Variants in MARCHF11 observed in about 807,000 individuals in gnomAD.
MARCHF11 encodes the protein E3 ubiquitin-protein ligase MARCHF11.
Under a neutral mutation model 37.3 loss-of-function variants are expected in MARCHF11, and 29 were observed. The ratio of observed to expected loss-of-function variants is 0.78; its 90% CI spans 0.58 to 1.06. The LOEUF (loss-of-function observed/expected upper bound fraction) is 1.06, where lower values mean the gene tolerates loss of function less well. MARCHF11 is among the 50% of genes least tolerant of loss of function. The pLI is 0.00. For synonymous variants in MARCHF11, 233 were observed against 228.0 expected (o/e 1.02, Z -0.20); for missense variants, 482 against 533.4 (o/e 0.90, Z 0.95).
chr5:16,083,466 G>A (rs1202583015), intron 3 of MARCHF11, among the ~76,000 whole-genome samples: 1 of 152,050 alleles, frequency 6.6e-6, no homozygotes, highest in Non-Finnish European at 1.5e-5. Context: ...CAATCCAAAG[G>A]CCTTACCAAC....
At chr5:16,124,085 C>A (rs1400169936) in intron 2 of MARCHF11, among the ~76,000 whole-genome samples, 1 of 152,076 alleles carries the variant, frequency 6.6e-6, no homozygotes, top group Non-Finnish European at 1.5e-5. Flanking sequence ...ACTCAGGAGA[C>A]AACGAGAGTG....
chr5:16,165,011 C>G (rs947474854), intron 2 of MARCHF11, among the ~76,000 whole-genome samples: 1 of 152,070 alleles, frequency 6.6e-6, no homozygotes, highest in Non-Finnish European at 1.5e-5. Context: ...CTCATGACAT[C>G]TCCTACGCTT....
At chr5:16,085,732 C>T (rs1464778242) in intron 3 of MARCHF11, among the ~76,000 whole-genome samples, 1 of 151,920 alleles carries the variant, frequency 6.6e-6, no homozygotes, top group Non-Finnish European at 1.5e-5. Context: ...GTGGGTGGAT[C>T]ACGAGGTCAG....
intron 2 of MARCHF11, among the ~76,000 whole-genome samples, chr5:16,165,634 A>G (rs1738155274): frequency 6.6e-6 from 1 of 152,082 alleles, no homozygotes; most frequent in Non-Finnish European, 1.5e-5. Flanking sequence ...TCTCACGGTT[A>G]GACTATAGTT....
At chr5:16,076,682 C>T (rs554283396) in intron 3 of MARCHF11, among the ~76,000 whole-genome samples, 1 of 152,272 alleles carries the variant, frequency 6.6e-6, no homozygotes, top group South Asian at 2.1e-4. Flanking sequence ...TAATCCAACC[C>T]TCTCACTTTG....
intron 2 of MARCHF11, among the ~76,000 whole-genome samples, chr5:16,151,847 T>C (rs913299911): frequency 5.3e-5 from 8 of 151,472 alleles, no homozygotes; most frequent in Admixed American, 1.3e-4. Flanking sequence ...GCAAATAAAA[T>C]AATGAGTTTT....
At chr5:16,103,014 C>A (rs1736984088) in intron 2 of MARCHF11, among the ~76,000 whole-genome samples, 1 of 151,156 alleles carries the variant, frequency 6.6e-6, no homozygotes, top group African/African-American at 2.4e-5. Flanking sequence ...CTTTAAGCAT[C>A]TAATATGTAT....
intron 3 of MARCHF11, among the ~76,000 whole-genome samples, chr5:16,082,431 G>A (rs897513748): frequency 2.6e-5 from 4 of 152,176 alleles, no homozygotes; most frequent in African/African-American, 9.7e-5. Context: ...GTCTGTGTGA[G>A]TAACAGACAC....
intron 2 of MARCHF11, among the ~76,000 whole-genome samples, chr5:16,132,520 T>G (rs1737534937): frequency 6.6e-6 from 1 of 152,210 alleles, no homozygotes; most frequent in Non-Finnish European, 1.5e-5. Context: ...GTTGAAAGAA[T>G]GTTGTTTAAA....
intron 3 of MARCHF11, among the ~76,000 whole-genome samples, chr5:16,086,133 A>C (rs1736694979): frequency 6.6e-6 from 1 of 152,176 alleles, no homozygotes; most frequent in African/African-American, 2.4e-5. Flanking sequence ...ATTGTTGTAC[A>C]TCTGTCATAA....
intron 2 of MARCHF11, among the ~76,000 whole-genome samples, chr5:16,138,293 C>T (rs921576429): frequency 1.3e-5 from 2 of 152,130 alleles, no homozygotes; most frequent in African/African-American, 4.8e-5. Flanking sequence ...TAAAAGGGGC[C>T]AACAAACAGC....
At chr5:16,150,173 C>T (rs1025686434) in intron 2 of MARCHF11, among the ~76,000 whole-genome samples, 1 of 148,994 alleles carries the variant, frequency 6.7e-6, no homozygotes, top group Non-Finnish European at 1.5e-5. Flanking sequence ...TGGGTCATTC[C>T]TTAATGAAAA....
chr5:16,136,565 T>C (rs1256307088), intron 2 of MARCHF11, among the ~76,000 whole-genome samples: 7 of 152,148 alleles, frequency 4.6e-5, no homozygotes, highest in Non-Finnish European at 1.5e-5. Context: ...GTAATGCAAC[T>C]GTGAGAACTA....
Position 16,179,675 on chromosome 5 carries a change from G to C in MARCHF11, c.-100C>G, listed in dbSNP as rs1738442152. 1 of 799,948 alleles carries C rather than the reference G, an allele frequency of 1.3e-6. No individual in the cohort carries two copies. Among genetic ancestry groups the C allele is most frequent in the African/African-American group, 1.9e-5 (1 of 52,968 alleles). The allele number at this position is 799,948 out of a possible 1,614,324, so 49.6% of individuals were successfully genotyped here. A position where few individuals can be genotyped will look rare whatever the true frequency, so the allele number is the denominator to read the frequency against. On this transcript the variant is annotated 5_prime_UTR_variant, in exon 1 of 4. Coordinates refer to ENST00000332432, the MANE Select transcript of MARCHF11 (RefSeq NM_001102562.3). ...GGGGGCGGGAGGGAGAGGGGAAAAG[G>C]AGGGAGGGGGCCCGGACGCCTGGGG...
chr5:16,125,786 C>T (rs1158305019), intron 2 of MARCHF11, among the ~76,000 whole-genome samples: 2 of 152,036 alleles, frequency 1.3e-5, no homozygotes, highest in Non-Finnish European at 2.9e-5. Flanking sequence ...GAAAGAAAAG[C>T]TACATAAGAA....
chr5:16,119,366 A>T (rs61583487), intron 2 of MARCHF11, among the ~76,000 whole-genome samples: 33,789 of 137,112 alleles, frequency 0.25, 3,866 homozygotes, highest in South Asian at 0.33. Flanking sequence ...CATCTCAATT[A>T]AAAAAAAAAA....
intron 2 of MARCHF11, among the ~76,000 whole-genome samples, chr5:16,113,373 G>C (rs1425776361): frequency 2.0e-5 from 3 of 152,120 alleles, no homozygotes; most frequent in Non-Finnish European, 2.9e-5. Flanking sequence ...ATATTGACTA[G>C]TGATCACACG....
chr5:16,148,616 G>C (rs1056189631), intron 2 of MARCHF11, among the ~76,000 whole-genome samples: 1 of 152,200 alleles, frequency 6.6e-6, no homozygotes, highest in Non-Finnish European at 1.5e-5. Context: ...TTAGCAGTTT[G>C]CAGGCAAGCC....
At chr5:16,103,112 A>G (rs75906348) in intron 2 of MARCHF11, among the ~76,000 whole-genome samples, 3 of 74,248 alleles carry the variant, frequency 4.0e-5, no homozygotes, top group African/African-American at 1.1e-4. Context: ...GCCCAGGCAG[A>G]AAAAAAAAAA....
Sources: allele counts gnomAD v4.1 joint callset (sites outside exome capture counted in the v4.1 genomes callset), GRCh38; gene constraint gnomAD v4.1.1; transcripts MANE v1.5; gene names NCBI Gene and HGNC (gene_info 2026-07-23, HGNC 2026-07-21).